CSMD1: variants seen among roughly 807,000 people sequenced by gnomAD.
The protein encoded by CSMD1 is CUB and Sushi multiple domains 1.
CSMD1 carries 213 observed loss-of-function variants against 417.5 expected under a neutral mutation model. The observed-to-expected ratio is 0.51, with a 90% CI of 0.46 to 0.57. The LOEUF (loss-of-function observed/expected upper bound fraction) is 0.57, where lower values mean the gene tolerates loss of function less well. CSMD1 is among the 20% of genes least tolerant of loss of function. The probability of loss-of-function intolerance (pLI) is 0.00; values close to 1 mark genes in which losing one functional copy is unlikely to be tolerated. For synonymous variants in CSMD1, 2,862 were observed against 1,736.8 expected, an observed-to-expected ratio of 1.65 and a Z score of -16.11; for missense variants, 6,923 against 4,529.7, an observed-to-expected ratio of 1.53 and a Z score of -15.17.
chr8:3,546,529 C>CAA (rs1554464374), intron 10 of CSMD1, among the ~76,000 whole-genome samples: 7 of 131,170 alleles, frequency 5.3e-5, no homozygotes, highest in African/African-American at 2.4e-4. Flanking sequence ...AGTGAGACTC[C>CAA]AAAAAAAAAG....
At chr8:4,979,525 C>T (rs1179307870) in intron 1 of CSMD1, among the ~76,000 whole-genome samples, 1 of 152,036 alleles carries the variant, frequency 6.6e-6, no homozygotes, top group African/African-American at 2.4e-5. Flanking sequence ...AAGATACTCA[C>T]TGTCTACCTA....
chr8:3,886,990 G>C (rs1019648996), intron 5 of CSMD1, among the ~76,000 whole-genome samples: 1 of 152,132 alleles, frequency 6.6e-6, no homozygotes, highest in Non-Finnish European at 1.5e-5. Context: ...ACTTAGAGAA[G>C]CATTGATCAC....
intron 3 of CSMD1, among the ~76,000 whole-genome samples, chr8:4,412,478 G>A (rs750494535): frequency 4.6e-5 from 7 of 152,264 alleles, no homozygotes; most frequent in African/African-American, 1.2e-4. Context: ...CCAGTACCAC[G>A]GTTCCTGTCC....
At chr8:3,373,249 C>G (rs1020683398) in intron 18 of CSMD1, 2 of 152,122 alleles carry the variant, frequency 1.3e-5, no homozygotes, top group African/African-American at 4.8e-5. Flanking sequence ...GGGGAAAAAT[C>G]TGGGAGGGAA....
At chr8:4,355,157 G>A (rs767236491) in intron 3 of CSMD1, among the ~76,000 whole-genome samples, 1 of 151,956 alleles carries the variant, frequency 6.6e-6, no homozygotes, top group African/African-American at 2.4e-5. Context: ...AGCTACTCAG[G>A]AGGCTGAGGC....
chr8:3,608,313 G>T (rs1345803359), intron 8 of CSMD1, among the ~76,000 whole-genome samples: 2 of 152,176 alleles, frequency 1.3e-5, no homozygotes, highest in Non-Finnish European at 2.9e-5. Context: ...GCTCTTTATG[G>T]ATAGACATGA....
At chr8:4,908,098 G>A (rs1359385689) in intron 1 of CSMD1, among the ~76,000 whole-genome samples, 1 of 152,124 alleles carries the variant, frequency 6.6e-6, no homozygotes, top group Non-Finnish European at 1.5e-5. Context: ...AGTCGTCTAT[G>A]TCCTTCACTT....
chr8:3,092,905 T>G (rs201596557), intron 47 of CSMD1, among the ~76,000 whole-genome samples: 1 of 71,854 alleles, frequency 1.4e-5, no homozygotes, highest in Non-Finnish European at 3.5e-5. Context: ...CAGCTCTCAT[T>G]GTTGTTCATA....
chr8:4,802,062 C>A (rs1563431146), intron 1 of CSMD1, among the ~76,000 whole-genome samples: 1 of 152,106 alleles, frequency 6.6e-6, no homozygotes, highest in Non-Finnish European at 1.5e-5. Flanking sequence ...AGCTATATAG[C>A]CTAGTTGAAG....
At chr8:4,357,536 G>C (rs1471493048) in intron 3 of CSMD1, among the ~76,000 whole-genome samples, 2 of 151,982 alleles carry the variant, frequency 1.3e-5, no homozygotes, top group Non-Finnish European at 1.5e-5. Flanking sequence ...AAGTAAGTTG[G>C]AAATGCACAG....
intron 25 of CSMD1, among the ~76,000 whole-genome samples, chr8:3,302,322 T>A (rs1344728004): frequency 6.6e-6 from 1 of 152,138 alleles, no homozygotes; most frequent in Admixed American, 6.6e-5. Flanking sequence ...TTCTGGAATA[T>A]CTCCATCGTT....
At position 4,062,734 on chromosome 8, in the gene CSMD1, C is replaced by A. The variant is rs200346224; in HGVS notation, c.416-30635G>T. Among the ~76,000 whole-genome samples the A allele has an allele frequency of 2.4e-3, 310 of 131,488 alleles. 8 individuals are homozygous for A. The East Asian group carries it at 0.052, about 22-fold the overall frequency. 86.3% of individuals were successfully genotyped at this position (131,488 alleles called of 152,430 possible). A position where few individuals can be genotyped will look rare whatever the true frequency, so the allele number is the denominator to read the frequency against. ...TATTCCTGATCAGCATTATCAAATT[C>A]AAAAAAAAAAAAAGGCAGGTTCTGC... On this transcript the variant is annotated intron_variant, in intron 3 of 69. Coordinates refer to ENST00000635120, the MANE Select transcript of CSMD1 (RefSeq NM_033225.6).
chr8:4,799,964 G>A (rs1318158379), intron 1 of CSMD1, among the ~76,000 whole-genome samples: 2 of 151,608 alleles, frequency 1.3e-5, no homozygotes, highest in Admixed American at 6.6e-5. Flanking sequence ...AGACTACACT[G>A]ATGCTTCTCA....
chr8:3,360,101 T>C (rs1809058540), intron 20 of CSMD1, among the ~76,000 whole-genome samples: 1 of 152,214 alleles, frequency 6.6e-6, no homozygotes, highest in Admixed American at 6.5e-5. Context: ...GAGCCAATTT[T>C]GCCTCTAGAA....
At chr8:4,642,617 T>C (rs1803268692) in intron 1 of CSMD1, among the ~76,000 whole-genome samples, 1 of 152,188 alleles carries the variant, frequency 6.6e-6, no homozygotes, top group Admixed American at 6.5e-5. Context: ...TGGGTGGGCA[T>C]TCTCAGAAAG....
intron 5 of CSMD1, among the ~76,000 whole-genome samples, chr8:3,777,249 G>A (rs538542100): frequency 5.9e-5 from 9 of 151,828 alleles, no homozygotes; most frequent in Non-Finnish European, 8.8e-5. Flanking sequence ...TTAAGGGCAG[G>A]GGTTTGTCTG....
intron 3 of CSMD1, among the ~76,000 whole-genome samples, chr8:4,297,462 G>C (rs537562647): frequency 2.0e-5 from 3 of 152,232 alleles, no homozygotes; most frequent in East Asian, 3.9e-4. Context: ...CTGGGCGTCC[G>C]CAAGCTAATA....
chr8:4,195,734 G>A (rs569641102), intron 3 of CSMD1, among the ~76,000 whole-genome samples: 2 of 152,258 alleles, frequency 1.3e-5, no homozygotes, highest in East Asian at 1.9e-4. Flanking sequence ...ACAGCAAAAC[G>A]TCGGGGCTCT....
intron 12 of CSMD1, among the ~76,000 whole-genome samples, chr8:3,426,257 C>G (rs13264996): frequency 2.6e-5 from 4 of 152,156 alleles, no homozygotes; most frequent in African/African-American, 9.7e-5. Flanking sequence ...ACGTTCCATC[C>G]TGCACATCAC....
Sources: allele counts gnomAD v4.1 joint callset (sites outside exome capture counted in the v4.1 genomes callset), GRCh38; gene constraint gnomAD v4.1.1; transcripts MANE v1.5; gene names NCBI Gene and HGNC (gene_info 2026-07-23, HGNC 2026-07-21).